Variants in ABCB11 observed in about 807,000 individuals in gnomAD.
ABCB11 encodes the protein ATP binding cassette subfamily B member 11.
In ABCB11, 95 loss-of-function variants were observed where a neutral mutation model predicts 148.0. The observed-to-expected ratio is 0.64, with a 90% CI of 0.54 to 0.76. ABCB11 has a LOEUF of 0.76. Among genes scored for constraint, ABCB11 ranks in the 30% least tolerant of loss-of-function variants. ABCB11 has a pLI of 0.00. For missense variants in ABCB11, 1,523 were observed against 1,617.8 expected (o/e 0.94, Z 1.01); for synonymous variants, 591 against 555.4 (o/e 1.06, Z -0.90).
intron 17 of ABCB11, 112 bp from the exon 18 acceptor site, chr2:168,964,420 G>A (rs1693209322): frequency 3.5e-6 from 3 of 867,760 alleles, no homozygotes; most frequent in Non-Finnish European, 5.3e-6. Context: ...TGTTTGGTAG[G>A]TCACATGGTA....
intron 2 of ABCB11, 79 bp from the exon 3 acceptor site, chr2:169,016,878 C>T: frequency 9.0e-7 from 1 of 1,107,186 alleles, no homozygotes; most frequent in East Asian, 2.5e-5. Context: ...GAAATTTGCT[C>T]TAGAAAAATA....
intron 8 of ABCB11, among the ~76,000 whole-genome samples, chr2:168,991,331 T>G (rs1694514187): frequency 6.6e-6 from 1 of 152,124 alleles, no homozygotes; most frequent in Non-Finnish European, 1.5e-5. Context: ...GGGTATAATA[T>G]ATGACATATA....
chr2:168,984,610 AG>A (rs1694253161), intron 10 of ABCB11, among the ~76,000 whole-genome samples: 1 of 152,166 alleles, frequency 6.6e-6, no homozygotes, highest in Non-Finnish European at 1.5e-5. Flanking sequence ...ACTATCATAA[AG>A]CTCAGTTATA....
intron 9 of ABCB11, among the ~76,000 whole-genome samples, chr2:168,989,329 A>G (rs1442238804): frequency 3.3e-5 from 5 of 152,116 alleles, no homozygotes. Context: ...ATCAAATTTC[A>G]TTCTTCTGCA....
intron 25 of ABCB11, among the ~76,000 whole-genome samples, chr2:168,928,447 T>TAAGAGC (rs1691418253): frequency 6.6e-6 from 1 of 152,088 alleles, no homozygotes; most frequent in African/African-American, 2.4e-5. Flanking sequence ...TTTGGTAGAT[T>TAAGAGC]AAGAGCAAAG....
chr2:168,998,378 G>T (rs1052035067), intron 5 of ABCB11, among the ~76,000 whole-genome samples: 1 of 151,994 alleles, frequency 6.6e-6, no homozygotes, highest in African/African-American at 2.4e-5. Context: ...GTACTACATT[G>T]CATAGTAGGT....
In ABCB11 at chr2:168,969,136, G is replaced by T. The variant is rs1204412998; in HGVS notation, c.2011+214C>A. ...AGGGTTAAAAAAAAAAAAAAAGGGG[G>T]GGATGGAATTGAAAGTTAGAAGCCT... On this transcript the variant is annotated intron_variant, in intron 16 of 27. Coordinates refer to ENST00000650372, the MANE Select transcript of ABCB11 (RefSeq NM_003742.4). Among the ~76,000 whole-genome samples, 4 of 151,704 alleles carry T rather than the reference G, an allele frequency of 2.6e-5. No homozygotes were observed. The South Asian group carries it at 8.3e-4, about 32-fold the overall frequency.
chr2:168,972,926 A>G (rs985962812), intron 13 of ABCB11, among the ~76,000 whole-genome samples: 3 of 152,004 alleles, frequency 2.0e-5, no homozygotes, highest in African/African-American at 4.8e-5. Flanking sequence ...TTGTTTGTCA[A>G]ATGGGCCTAT....
At position 168,925,683 on chromosome 2, in the gene ABCB11, G is replaced by A. The variant is rs77190385; in HGVS notation, c.3619-880C>T. 2.2e-3 allele frequency among the ~76,000 whole-genome samples: 332 copies of A among 152,144 alleles called. 1 individual carries two copies. Among genetic ancestry groups the A allele is most frequent in the African/African-American group, 6.0e-3 (251 of 41,504 alleles). ...TTCTCTTCCTTGCCTTCCACAACAC[G>A]AGCTGTTTCCTTTCCCTGCTTCCCT... On this transcript the variant is annotated intron_variant, in intron 26 of 27. Coordinates refer to ENST00000650372, the MANE Select transcript of ABCB11 (RefSeq NM_003742.4).
chr2:168,974,812 TA>T (rs1213865027), intron 12 of ABCB11, among the ~76,000 whole-genome samples: 7 of 151,962 alleles, frequency 4.6e-5, no homozygotes, highest in African/African-American at 1.4e-4. Flanking sequence ...GAGTGTGTAT[TA>T]CTTTGTAATT....
chr2:168,986,430 A>C, intron 9 of ABCB11, 146 bp from the exon 10 acceptor site: 2 of 689,220 alleles, frequency 2.9e-6, no homozygotes, highest in Non-Finnish European at 4.8e-6. Flanking sequence ...ATCTCCAATA[A>C]CCTTTATGTA....
intron 7 of ABCB11, among the ~76,000 whole-genome samples, chr2:168,994,293 G>C (rs1009872903): frequency 5.9e-5 from 9 of 152,184 alleles, no homozygotes; most frequent in African/African-American, 2.2e-4. Flanking sequence ...CCAAGAAGAA[G>C]TAACACCTTT....
chr2:168,958,684 C>A (rs1198571833), intron 18 of ABCB11, among the ~76,000 whole-genome samples: 3 of 151,682 alleles, frequency 2.0e-5, no homozygotes, highest in Non-Finnish European at 4.4e-5. Flanking sequence ...AGTAGTACTG[C>A]ATTTGGATTT....
chr2:168,926,992 A>G (rs1223515127), intron 26 of ABCB11, among the ~76,000 whole-genome samples, 164 bp downstream of exon 26: 2 of 152,188 alleles, frequency 1.3e-5, no homozygotes, highest in Non-Finnish European at 2.9e-5. Context: ...TCAAGTGTGA[A>G]ATTTTCCACC....
intron 7 of ABCB11, among the ~76,000 whole-genome samples, chr2:168,994,964 A>C (rs1426989369): frequency 6.6e-6 from 1 of 152,064 alleles, no homozygotes; most frequent in African/African-American, 2.4e-5. Flanking sequence ...CTCAAAATTC[A>C]GTTCAATAGG....
intron 19 of ABCB11, among the ~76,000 whole-genome samples, chr2:168,953,620 G>A (rs1415473906): frequency 6.6e-6 from 1 of 151,018 alleles, no homozygotes; most frequent in African/African-American, 2.4e-5. Flanking sequence ...TCAGCATTTA[G>A]TTGGATTATT....
chr2:168,980,049 G>T, intron 10 of ABCB11, 70 bp from the exon 11 acceptor site: 1 of 868,076 alleles, frequency 1.2e-6, no homozygotes, highest in Middle Eastern at 2.3e-4. Flanking sequence ...TATCATTTGG[G>T]TCTTCCATGT....
chr2:168,996,251 T>C (rs1396018841), intron 6 of ABCB11, among the ~76,000 whole-genome samples: 1 of 152,022 alleles, frequency 6.6e-6, no homozygotes, highest in African/African-American at 2.4e-5. Flanking sequence ...GTTGAGACTT[T>C]AGCAATGCGA....
chr2:168,947,223 G>C lies in ABCB11; in HGVS notation c.2344-2262C>G, dbSNP rs1457569699. ...TATGATTCTCAAAACAACCCAGTGA[G>C]GTAGATTTTCTTGCTCCTTATACAG... On this transcript the variant is annotated intron_variant, in intron 19 of 27. Transcript: ENST00000650372. 2.6e-5 allele frequency among the ~76,000 whole-genome samples: 4 copies of C among 151,728 alleles called. No individual in the cohort carries two copies. The East Asian group carries it at 5.8e-4, about 22-fold the overall frequency.
Sources: gnomAD v4.1 joint callset for allele counts (sites outside exome capture counted in the v4.1 genomes callset) on GRCh38, gnomAD v4.1.1 for gene constraint, MANE v1.5 for transcripts, NCBI Gene and HGNC (gene_info 2026-07-23, HGNC 2026-07-21) for gene names.